GSE1: variants seen among roughly 807,000 people sequenced by gnomAD.
The protein encoded by GSE1 is Gse1 coiled-coil protein.
Under a neutral mutation model 112.6 loss-of-function variants are expected in GSE1, and 32 were observed. The ratio of observed to expected loss-of-function variants is 0.28; its 90% CI spans 0.21 to 0.38. GSE1 has a LOEUF of 0.38. Ranked by LOEUF, GSE1 falls within the 10% of genes least tolerant of loss-of-function variation. The pLI is 1.00. For synonymous variants in GSE1, 1,115 were observed against 735.6 expected (o/e 1.52, Z -8.35); for missense variants, 2,348 against 1,699.2 (o/e 1.38, Z -6.71).
chr16:85,490,544 C>G (rs2151892757), intron 2 of GSE1: 1 of 152,408 alleles, frequency 6.6e-6, no homozygotes, highest in Admixed American at 6.5e-5. Flanking sequence ...GCCTGGCTCC[C>G]AGGCCAGCCC....
Position 85,654,373 on chromosome 16 carries a change from G to A in GSE1, c.522G>A (p.Ser174=), listed in dbSNP as rs764020670. Residue 174 remains serine (S), a synonymous_variant, in exon 4 of 16, where the codon TCG becomes TCA. Coordinates refer to ENST00000253458, the MANE Select transcript of GSE1 (RefSeq NM_014615.5). ...QEKAGGPAIP[S]HLLSTPYPFG... is the part of the protein sequence containing the mutation. ...AGGCAGGGGGACCAGCCATCCCCTC[G>A]CACCTGCTCAGCACCCCCTACCCCT... The A allele has an allele frequency of 5.6e-6, 9 of 1,611,926 alleles. No homozygotes were observed. Among genetic ancestry groups the A allele is most frequent in the Admixed American group, 1.7e-5 (1 of 59,974 alleles).
chr16:85,538,926 G>T (rs1446846500), intron 2 of GSE1, among the ~76,000 whole-genome samples: 1 of 152,106 alleles, frequency 6.6e-6, no homozygotes, highest in African/African-American at 2.4e-5. Context: ...CCCTTGGCTG[G>T]AGTGGCCTAC....
chr16:85,531,218 G>C (rs1269640285), intron 2 of GSE1, among the ~76,000 whole-genome samples: 1 of 152,226 alleles, frequency 6.6e-6, no homozygotes, highest in African/African-American at 2.4e-5. Flanking sequence ...GCCCCACTGT[G>C]GGCACAGCTC....
intron 2 of GSE1, among the ~76,000 whole-genome samples, chr16:85,420,835 CA>C (rs1305478567): frequency 6.6e-6 from 1 of 152,170 alleles, no homozygotes; most frequent in Non-Finnish European, 1.5e-5. Flanking sequence ...CACCCGGCCG[CA>C]GCCTGGAGCT....
In GSE1 at chr16:85,598,452, C is replaced by G. The variant is rs189530620; in HGVS notation, c.37+42089C>G. 2.9e-3 allele frequency among the ~76,000 whole-genome samples: 443 copies of G among 152,280 alleles called. 1 individual carries two copies. The highest frequency in any genetic ancestry group is 6.8e-3 in the Middle Eastern group (2 of 294). ...GCCCTCCATGCTTGGTATCCTGCCT[C>G]CAAACGATGCATATTAGAAACCAAC... On this transcript the variant is annotated intron_variant, in intron 1 of 2. Coordinates refer to the GSE1 transcript ENST00000635906.
chr16:85,227,891 G>C (rs2075516300), intron 1 of GSE1, among the ~76,000 whole-genome samples: 1 of 152,210 alleles, frequency 6.6e-6, no homozygotes, highest in Non-Finnish European at 1.5e-5. Flanking sequence ...CTACCTTCAC[G>C]GGGCTCACAC....
chr16:85,642,800 C>A (rs1259538497), intron 2 of GSE1, among the ~76,000 whole-genome samples: 2 of 152,194 alleles, frequency 1.3e-5, no homozygotes, highest in African/African-American at 4.8e-5. Flanking sequence ...ATGCCTGAGC[C>A]GAGCTCGGCT....
chr16:85,200,686 G>A (rs902992917), intron 1 of GSE1, among the ~76,000 whole-genome samples: 3 of 152,194 alleles, frequency 2.0e-5, no homozygotes, highest in Non-Finnish European at 4.4e-5. Context: ...ACTGCAAGGG[G>A]ACAGTTCAAG....
In GSE1 at chr16:85,673,161, CAA is replaced by C. The variant is rs1199960678; in HGVS notation, c.*623_*624del. 2.0e-5 allele frequency: 3 copies of C among 152,396 alleles called. No homozygotes were observed. The highest frequency in any genetic ancestry group is 7.2e-5 in the African/African-American group (3 of 41,408). 9.4% of individuals were successfully genotyped at this position (152,396 alleles called of 1,614,324 possible). A position where few individuals can be genotyped will look rare whatever the true frequency, so the allele number is the denominator to read the frequency against. Reference sequence around the variant, plus strand: ...GCTCTTTCTTACCTAAAGATAAAACCAATTCACAAACTGAAGGTAGCTTTTTA... The same window carrying C: ...GCTCTTTCTTACCTAAAGATAAAACCTTCACAAACTGAAGGTAGCTTTTTA... On this transcript the variant is annotated 3_prime_UTR_variant, in exon 16 of 16. Coordinates refer to ENST00000253458, the MANE Select transcript of GSE1 (RefSeq NM_014615.5).
At chr16:85,431,074 C>T (rs1030719705) in intron 2 of GSE1, among the ~76,000 whole-genome samples, 21 of 150,258 alleles carry the variant, frequency 1.4e-4, no homozygotes, top group African/African-American at 5.0e-4. Context: ...GCCACTGCCT[C>T]GGGGGGCGGA....
At chr16:85,354,816 C>A (rs73253117) in intron 1 of GSE1, among the ~76,000 whole-genome samples, 3,508 of 152,358 alleles carry the variant, frequency 0.023, 127 homozygotes, top group African/African-American at 0.08. Context: ...AAGCCTTCCT[C>A]TCTCTAGCAT....
At chr16:85,196,119 T>G (rs2074922069) in intron 1 of GSE1, among the ~76,000 whole-genome samples, 1 of 152,142 alleles carries the variant, frequency 6.6e-6, no homozygotes, top group South Asian at 2.1e-4. Flanking sequence ...GGCAGGGCAG[T>G]TTTTGCTGCC....
chr16:85,524,835 C>T (rs1295906167), intron 2 of GSE1, among the ~76,000 whole-genome samples: 1 of 152,158 alleles, frequency 6.6e-6, no homozygotes, highest in East Asian at 1.9e-4. Context: ...GGCAGCCGGT[C>T]CATGGTCCTG....
At chr16:85,415,433 C>T (rs1428302991) in intron 2 of GSE1, among the ~76,000 whole-genome samples, 23 of 152,302 alleles carry the variant, frequency 1.5e-4, no homozygotes, top group Admixed American at 1.3e-3. Flanking sequence ...GTGCTGAGGG[C>T]GTCCTGGGGT....
intron 2 of GSE1, among the ~76,000 whole-genome samples, chr16:85,416,852 T>C (rs2048713904): frequency 6.6e-6 from 1 of 152,060 alleles, no homozygotes; most frequent in Non-Finnish European, 1.5e-5. Flanking sequence ...TTTTTGTTTG[T>C]TTGTTTGTTT....
Position 85,617,379 on chromosome 16 carries a change from G to A in GSE1, c.7+3981G>A, listed in dbSNP as rs564225185. 2.0e-5 allele frequency among the ~76,000 whole-genome samples: 3 copies of A among 152,324 alleles called. No homozygotes were observed. In the East Asian group the frequency reaches 5.8e-4, roughly 29 times the overall value. On this transcript the variant is annotated intron_variant, in intron 1 of 15. Transcript: ENST00000253458. ...TACCAGTCATCTGTGGAAAGAAGGGGTTGGGCTGCACTTGAGGCTTTTGTG... is the reference window on the plus strand; with the variant it reads ...TACCAGTCATCTGTGGAAAGAAGGGATTGGGCTGCACTTGAGGCTTTTGTG...
intron 2 of GSE1, among the ~76,000 whole-genome samples, chr16:85,487,745 G>A (rs140357422): frequency 1.8e-3 from 270 of 152,316 alleles, no homozygotes; most frequent in African/African-American, 5.7e-3. Context: ...GGCGGTGGTG[G>A]GGGAAGGAGG....
chr16:85,360,393 G>A (rs548677260), intron 2 of GSE1, among the ~76,000 whole-genome samples: 89 of 151,900 alleles, frequency 5.9e-4, no homozygotes, highest in South Asian at 4.1e-3. Flanking sequence ...GGGCAGGGCC[G>A]GGGCACGAAC....
chr16:85,447,127 G>A (rs757550108), intron 2 of GSE1, among the ~76,000 whole-genome samples: 4 of 152,142 alleles, frequency 2.6e-5, no homozygotes, highest in Non-Finnish European at 4.4e-5. Flanking sequence ...CTGGGCCTCC[G>A]TGTCATGGGC....
Sources: allele counts gnomAD v4.1 joint callset (sites outside exome capture counted in the v4.1 genomes callset), GRCh38; gene constraint gnomAD v4.1.1; transcripts MANE v1.5; gene names NCBI Gene and HGNC (gene_info 2026-07-23, HGNC 2026-07-21).